RASGEF1C: variants seen among roughly 807,000 people sequenced by gnomAD.
RASGEF1C encodes the protein RasGEF domain family member 1C, also known as ras-GEF domain-containing family member 1C.
In RASGEF1C, 27 loss-of-function variants were observed where a neutral mutation model predicts 58.1. That is an observed-to-expected ratio of 0.46 (90% CI 0.34 to 0.64). The LOEUF (loss-of-function observed/expected upper bound fraction) is 0.64, where lower values mean the gene tolerates loss of function less well. Among genes scored for constraint, RASGEF1C ranks in the 30% least tolerant of loss-of-function variants. The pLI is 0.01. For missense variants in RASGEF1C, 502 were observed against 605.1 expected, an observed-to-expected ratio of 0.83 and a Z score of 1.79; for synonymous variants, 243 against 246.3, an observed-to-expected ratio of 0.99 and a Z score of 0.13.
chr5:180,103,166 C>T (rs1045806530), intron 12 of RASGEF1C, among the ~76,000 whole-genome samples: 26 of 152,190 alleles, frequency 1.7e-4, no homozygotes, highest in Admixed American at 1.7e-3. Flanking sequence ...CAAGCTCTGC[C>T]TCCCGGGTTC....
intron 1 of RASGEF1C, among the ~76,000 whole-genome samples, chr5:180,171,513 C>T (rs375461690): frequency 3.3e-5 from 5 of 152,164 alleles, no homozygotes; most frequent in African/African-American, 9.7e-5. Context: ...AACTGTCACA[C>T]GTGTGGATTG....
intron 10 of RASGEF1C, among the ~76,000 whole-genome samples, chr5:180,116,111 A>G (rs1582263501): frequency 6.6e-6 from 1 of 152,140 alleles, no homozygotes; most frequent in South Asian, 2.1e-4. Context: ...ATACGTGAGC[A>G]CTTCTCACCC....
At chr5:180,121,290 T>C (rs1314468349) in intron 6 of RASGEF1C, 141 bp from the exon 7 acceptor site, 5 of 635,448 alleles carry the variant, frequency 7.9e-6, no homozygotes, top group South Asian at 7.7e-5. Flanking sequence ...AGATTTGGTA[T>C]GTACGCTTTC....
chr5:180,123,613 GA>G (rs1175571283), intron 6 of RASGEF1C, among the ~76,000 whole-genome samples: 1 of 151,816 alleles, frequency 6.6e-6, no homozygotes, highest in Non-Finnish European at 1.5e-5. Context: ...TATTAGAAAA[GA>G]AGGATAAAAA....
At chr5:180,119,867 C>G (rs1396243464) in intron 7 of RASGEF1C, among the ~76,000 whole-genome samples, 2 of 152,216 alleles carry the variant, frequency 1.3e-5, no homozygotes, top group Non-Finnish European at 2.9e-5. Flanking sequence ...CGAGCAGCCC[C>G]TCCGCTCTCT....
At chr5:180,109,062 C>T (rs1338888438) in intron 12 of RASGEF1C, among the ~76,000 whole-genome samples, 1 of 152,158 alleles carries the variant, frequency 6.6e-6, no homozygotes, top group Non-Finnish European at 1.5e-5. Flanking sequence ...CCCTCTCTGC[C>T]CTGAGACTCC....
intron 1 of RASGEF1C, among the ~76,000 whole-genome samples, chr5:180,184,834 TC>T (rs1756000962): frequency 6.6e-6 from 1 of 152,146 alleles, no homozygotes; most frequent in Admixed American, 6.5e-5. Flanking sequence ...CAAAGGGTCA[TC>T]CATAAAGATG....
At chr5:180,142,784 C>T (rs376634929) in intron 1 of RASGEF1C, among the ~76,000 whole-genome samples, 69 of 152,246 alleles carry the variant, frequency 4.5e-4, no homozygotes, top group African/African-American at 1.4e-3. Context: ...GTGCCCTCCT[C>T]GCACCCCATC....
intron 1 of RASGEF1C, among the ~76,000 whole-genome samples, chr5:180,207,935 C>T (rs528366280): frequency 1.6e-4 from 25 of 152,332 alleles, no homozygotes; most frequent in African/African-American, 6.0e-4. Context: ...CGCATAAGAT[C>T]TTGGCCATGT....
intron 1 of RASGEF1C, among the ~76,000 whole-genome samples, chr5:180,171,864 G>A (rs1767113408): frequency 6.6e-6 from 1 of 152,174 alleles, no homozygotes; most frequent in Non-Finnish European, 1.5e-5. Flanking sequence ...GCCAGGGTGT[G>A]GGCCCACTGG....
In RASGEF1C at chr5:180,156,703, T is replaced by C. The variant is rs1322468550; in HGVS notation, c.-6-18645A>G. Among the ~76,000 whole-genome samples, 1 of 151,902 alleles carries C rather than the reference T, an allele frequency of 6.6e-6. No individual in the cohort carries two copies. Among genetic ancestry groups the C allele is most frequent in the African/African-American group, 2.4e-5 (1 of 41,328 alleles). On this transcript the variant is annotated intron_variant, in intron 1 of 13. Transcript: ENST00000361132. The surrounding 1 kb of genome is among the most constrained non-coding windows in gnomAD (Gnocchi z 4.9). ...GGGAGGATCACCTGAACCCAGGAAG[T>C]TGAGGCTGCAGTAAGCCGAGATCGT...
At chr5:180,101,603 C>A in intron 13 of RASGEF1C, 78 bp from the exon 14 acceptor site, 1 of 1,557,754 alleles carries the variant, frequency 6.4e-7, no homozygotes, top group Admixed American at 1.7e-5. Context: ...AGCACAGCCA[C>A]TTTCTCAGTG....
chr5:180,195,641 A>G (rs1396949595), intron 1 of RASGEF1C, among the ~76,000 whole-genome samples: 2 of 152,080 alleles, frequency 1.3e-5, no homozygotes, highest in Non-Finnish European at 2.9e-5. Context: ...GGGCGCCTGT[A>G]GTCCCAGCTA....
rs1581105871 is a variant in RASGEF1C at position 180,143,396 on chromosome 5, C to T, written c.-6-5338G>A. On this transcript the variant is annotated intron_variant, in intron 1 of 13. Transcript: ENST00000361132. This position sits in a 1 kb window ranked among gnomAD's most constrained non-coding sequence, Gnocchi z 4.3. Reference sequence around the variant, plus strand: ...CCATGTGGTGCGTTTATAAGGAAGGCCAGCCCTGAAGATGGATGTGCATTC... The same window carrying T: ...CCATGTGGTGCGTTTATAAGGAAGGTCAGCCCTGAAGATGGATGTGCATTC... Among the ~76,000 whole-genome samples the T allele has an allele frequency of 6.6e-6, 1 of 152,322 alleles. No homozygotes were observed. Among genetic ancestry groups the T allele is most frequent in the Non-Finnish European group, 1.5e-5 (1 of 68,016 alleles).
chr5:180,141,998 A>G (rs987630994), intron 1 of RASGEF1C, among the ~76,000 whole-genome samples: 1 of 152,160 alleles, frequency 6.6e-6, no homozygotes, highest in African/African-American at 2.4e-5. Context: ...TATTGTTACA[A>G]TATCTCTCAG....
chr5:180,139,689 C>A (rs1363971970), intron 1 of RASGEF1C, among the ~76,000 whole-genome samples: 1 of 152,218 alleles, frequency 6.6e-6, no homozygotes, highest in Non-Finnish European at 1.5e-5. Context: ...AAATCACCTC[C>A]TGTCTGTCCC....
chr5:180,121,491 T>C (rs1486564749), intron 6 of RASGEF1C, among the ~76,000 whole-genome samples: 3 of 152,096 alleles, frequency 2.0e-5, no homozygotes, highest in African/African-American at 7.2e-5. Flanking sequence ...TTTTTTGTAT[T>C]TTTAGTGGAG....
chr5:180,103,283 T>G (rs12054654), intron 12 of RASGEF1C, among the ~76,000 whole-genome samples: 8 of 152,030 alleles, frequency 5.3e-5, no homozygotes, highest in South Asian at 4.1e-4. Context: ...TTCACCGTGT[T>G]AGCCAGGATG....
intron 12 of RASGEF1C, among the ~76,000 whole-genome samples, chr5:180,110,680 G>C (rs994395997): frequency 2.0e-5 from 3 of 152,214 alleles, no homozygotes; most frequent in African/African-American, 7.2e-5. Flanking sequence ...TGCTTATTTA[G>C]TGGAGAGGAC....
Sources: gnomAD v4.1 joint callset for allele counts (sites outside exome capture counted in the v4.1 genomes callset) on GRCh38, gnomAD v4.1.1 for gene constraint, Gnocchi (gnomAD v3.1) non-coding constraint, MANE v1.5 for transcripts, NCBI Gene and HGNC (gene_info 2026-07-23, HGNC 2026-07-21) for gene names.